Variants in FAM221A observed in about 807,000 individuals in gnomAD.
The protein encoded by FAM221A is family with sequence similarity 221 member A.
FAM221A carries 43 observed loss-of-function variants against 37.6 expected under a neutral mutation model. The ratio of observed to expected loss-of-function variants is 1.15; its 90% confidence interval spans 0.90 to 1.48. The LOEUF is 1.48. Ranked by LOEUF, FAM221A falls within the 40% of genes most tolerant of loss-of-function variation. FAM221A has a pLI of 0.00. For synonymous variants in FAM221A, 135 were observed against 132.9 expected (o/e 1.02, Z -0.11); for missense variants, 361 against 361.5 (o/e 1.00, Z 0.01).
At position 23,691,450 on chromosome 7, in the gene FAM221A, C is replaced by T. The variant is rs1350571996; in HGVS notation, c.491C>T (p.Ala164Val). 1.2e-6 allele frequency: 2 copies of T among 1,614,134 alleles called. No homozygotes were observed. Among genetic ancestry groups the T allele is most frequent in the Non-Finnish European group, 1.7e-6 (2 of 1,180,022 alleles). The change falls in exon 4 of 7, where the codon GCC becomes GTC. Residue 164 changes from alanine to valine, a missense_variant. Coordinates refer to ENST00000344962, the MANE Select transcript of FAM221A (RefSeq NM_199136.5). ...FTCACGQPAY[A>V]HDTVVETKQE... ...TGTGCTTGTGGTCAGCCTGCATATG[C>T]CCATGACACAGTAGTGGAAACTAAG...
In FAM221A at chr7:23,697,800, C is replaced by T. The variant is rs114189161; in HGVS notation, c.638-392C>T. 5.7e-3 allele frequency among the ~76,000 whole-genome samples: 865 copies of T among 152,278 alleles called. 14 individuals carry two copies. The highest frequency in any genetic ancestry group is 0.019 in the African/African-American group (809 of 41,566). Reference sequence around the variant, plus strand: ...TCTCACAGTGTTGCCCAGGCCGGATCCAGTGAAGTGATGTGATCATAGCTC... The same window carrying T: ...TCTCACAGTGTTGCCCAGGCCGGATTCAGTGAAGTGATGTGATCATAGCTC... On this transcript the variant is annotated intron_variant, in intron 4 of 6. Coordinates refer to ENST00000344962, the MANE Select transcript of FAM221A (RefSeq NM_199136.5).
intron 4 of FAM221A, chr7:23,694,492 T>C (rs1258449130): frequency 6.6e-6 from 1 of 152,190 alleles, no homozygotes; most frequent in East Asian, 1.9e-4. Flanking sequence ...AAGCAACAGC[T>C]AAAGAAAACC....
At chr7:23,696,978 A>G (rs778641614) in intron 4 of FAM221A, among the ~76,000 whole-genome samples, 2 of 152,158 alleles carry the variant, frequency 1.3e-5, no homozygotes, top group Non-Finnish European at 2.9e-5. Flanking sequence ...AGCAGGGGGC[A>G]GAGCTGGAGG....
chr7:23,696,101 CA>C (rs370047739), intron 4 of FAM221A, among the ~76,000 whole-genome samples: 563 of 152,332 alleles, frequency 3.7e-3, no homozygotes, highest in African/African-American at 0.013. Flanking sequence ...GATGGTAGAG[CA>C]TACTACACAC....
At chr7:23,688,986 A>T in intron 2 of FAM221A, 1 of 221,668 alleles carries the variant, frequency 4.5e-6, no homozygotes, top group Non-Finnish European at 8.9e-6. Context: ...GAATCTGTAG[A>T]GGTAAGTGTT....
At chr7:23,693,183 A>T (rs1784849063) in intron 4 of FAM221A, 1 of 152,216 alleles carries the variant, frequency 6.6e-6, no homozygotes, top group South Asian at 2.1e-4. Flanking sequence ...AGAGAAGTAA[A>T]ACTATTGGAG....
In FAM221A at chr7:23,700,529, T is replaced by C. The variant is rs555366453; in HGVS notation, c.746-257T>C. 3.3e-5 allele frequency among the ~76,000 whole-genome samples: 5 copies of C among 152,334 alleles called. No homozygotes were observed. In the East Asian group the frequency reaches 9.6e-4, roughly 29 times the overall value. On this transcript the variant is annotated intron_variant, in intron 5 of 6. Transcript: ENST00000344962. ...TTGGACAAAACTAAGTGTACTCTTA[T>C]ACGGAATAGCTATATGGTGCTATTT...
At chr7:23,684,977 C>G (rs938204777) in intron 2 of FAM221A, among the ~76,000 whole-genome samples, 5 of 152,104 alleles carry the variant, frequency 3.3e-5, no homozygotes, top group Admixed American at 2.6e-4. Context: ...TGGCCGAGCT[C>G]AGTGGCTGAC....
At chr7:23,698,064 ATTT>A (rs961884200) in intron 4 of FAM221A, 125 bp from the exon 5 acceptor site, 1 of 516,146 alleles carries the variant, frequency 1.9e-6, no homozygotes, top group African/African-American at 2.1e-5. Context: ...CCAGTCTAAA[ATTT>A]TTTTTTTATA....
chr7:23,696,133 T>G (rs1785045849), intron 4 of FAM221A, among the ~76,000 whole-genome samples: 1 of 152,246 alleles, frequency 6.6e-6, no homozygotes, highest in Non-Finnish European at 1.5e-5. Context: ...GGTATAGCCT[T>G]TTGTTCCTAG....
At position 23,682,677 on chromosome 7, in the gene FAM221A, C is replaced by T. The variant is rs187319313; in HGVS notation, c.66-1822C>T. On this transcript the variant is annotated intron_variant, in intron 1 of 6. Transcript: ENST00000344962. ...TGACCTCAAGTGATCCTCCTGCTTCCGCCTCCCAAAGTCCTGGGATTACAG... is the reference window on the plus strand; with the variant it reads ...TGACCTCAAGTGATCCTCCTGCTTCTGCCTCCCAAAGTCCTGGGATTACAG... Among the ~76,000 whole-genome samples the T allele has an allele frequency of 7.9e-4, 120 of 151,698 alleles. No individual in the cohort carries two copies. The Middle Eastern group carries it at 0.01, about 13-fold the overall frequency.
chr7:23,695,511 T>TA (rs1785000965), intron 4 of FAM221A, among the ~76,000 whole-genome samples: 1 of 152,204 alleles, frequency 6.6e-6, no homozygotes. Context: ...TAGCTGGGAT[T>TA]ACAGGCGCAT....
intron 1 of FAM221A, among the ~76,000 whole-genome samples, chr7:23,681,029 C>A (rs1267296260): frequency 6.6e-6 from 1 of 152,156 alleles, no homozygotes; most frequent in Non-Finnish European, 1.5e-5. Flanking sequence ...CGTGGGTGGC[C>A]CAGATGACCC....
At chr7:23,687,868 C>T (rs1368800581) in intron 2 of FAM221A, 3 of 152,060 alleles carry the variant, frequency 2.0e-5, no homozygotes, top group African/African-American at 7.3e-5. Context: ...TGGTCTTGAA[C>T]TCCTGAGCTC....
At chr7:23,694,473 G>A (rs1346072847) in intron 4 of FAM221A, 1 of 152,056 alleles carries the variant, frequency 6.6e-6, no homozygotes, top group Non-Finnish European at 1.5e-5. Flanking sequence ...GCATAATTGT[G>A]TTAGGCTCAA....
intron 6 of FAM221A, 134 bp downstream of exon 6, chr7:23,701,002 G>T: frequency 1.6e-6 from 1 of 614,864 alleles, no homozygotes; most frequent in Non-Finnish European, 2.8e-6. Flanking sequence ...GTTAGGCCTT[G>T]AGGCTTATTA....
At chr7:23,703,192 T>G (rs763267699), downstream of FAM221A, 7 of 152,376 alleles carry the variant, frequency 4.6e-5, no homozygotes, top group Middle Eastern at 3.4e-3. Context: ...TCCACTCCTC[T>G]ACCCCTCCCT....
chr7:23,681,235 A>G (rs560317079), intron 1 of FAM221A, among the ~76,000 whole-genome samples: 2 of 152,310 alleles, frequency 1.3e-5, no homozygotes, highest in African/African-American at 2.4e-5. Flanking sequence ...CTCCCAGAGC[A>G]GAGCCGGCTC....
chr7:23,687,573 G>C (rs1448791603), intron 2 of FAM221A: 1 of 151,020 alleles, frequency 6.6e-6, no homozygotes, highest in Non-Finnish European at 1.5e-5. Context: ...TGAAATTTCT[G>C]GTTCAAAGAA....
Sources: gnomAD v4.1 joint callset for allele counts (sites outside exome capture counted in the v4.1 genomes callset) on GRCh38, gnomAD v4.1.1 for gene constraint, MANE v1.5 for transcripts, NCBI Gene and HGNC (gene_info 2026-07-23, HGNC 2026-07-21) for gene names.